The following TCOF1 variants were observed in gnomAD, a reference collection of about 807,000 sequenced individuals.
The protein encoded by TCOF1 is treacle ribosome biogenesis factor 1, also known as treacle protein.
Under a neutral mutation model 149.0 loss-of-function variants are expected in TCOF1, and 33 were observed. That is an observed-to-expected ratio of 0.22 (90% confidence interval 0.17 to 0.30). The LOEUF is 0.30. TCOF1 is among the 10% of genes least tolerant of loss of function. The pLI, the probability that TCOF1 is intolerant of heterozygous loss-of-function variation, is 1.00. For missense variants in TCOF1, 1,728 were observed against 1,840.7 expected (o/e 0.94, Z 1.12); for synonymous variants, 789 against 738.8 (o/e 1.07, Z -1.10).
Position 150,396,508 on chromosome 5 carries a change from G to A in TCOF1, c.4011G>A (p.Glu1337=), listed in dbSNP as rs1340143103. The change falls in exon 24 of 27, where the codon GAG becomes GAA. Residue 1337 remains glutamate (E), a synonymous_variant. Coordinates refer to ENST00000643257, the MANE Select transcript of TCOF1 (RefSeq NM_001371623.1). ...ERKKVVDTTK[E]SSRKGWESRK... Reference sequence around the variant, plus strand: ...AGAAGGTGGTGGACACCACCAAGGAGAGCAGCAGGAAGGGCTGGGAGAGCC... The same window carrying A: ...AGAAGGTGGTGGACACCACCAAGGAAAGCAGCAGGAAGGGCTGGGAGAGCC... 1.2e-6 allele frequency: 2 copies of A among 1,612,278 alleles called. No homozygotes were observed. The highest frequency in any genetic ancestry group is 3.4e-5 in the Admixed American group (2 of 59,660).
In TCOF1 at chr5:150,369,587, T is replaced by G. The variant is rs761441026; in HGVS notation, c.624T>G (p.Asp208Glu). Residue 208 changes from aspartate to glutamate, a missense_variant, in exon 6 of 27, where the codon GAT (aspartate) becomes GAG (glutamate). Coordinates refer to ENST00000643257, the MANE Select transcript of TCOF1 (RefSeq NM_001371623.1). ...GCGAGGACACCTCCAGCTCCAGTGATGAGACAGACGTGGAGGTAATTGCCA... is the reference window on the plus strand; with the variant it reads ...GCGAGGACACCTCCAGCTCCAGTGAGGAGACAGACGTGGAGGTAATTGCCA... ...SSSEDTSSSS[D>E]ETDVEGKPSV... 30 of 1,614,024 alleles carry G rather than the reference T, an allele frequency of 1.9e-5. No individual in the cohort carries two copies. The highest frequency in any genetic ancestry group is 2.7e-5 in the African/African-American group (2 of 74,902).
intron 2 of TCOF1, among the ~76,000 whole-genome samples, chr5:150,362,151 A>G (rs1366863196): frequency 6.6e-6 from 1 of 152,212 alleles, no homozygotes; most frequent in Non-Finnish European, 1.5e-5. Flanking sequence ...TTGTGTACCC[A>G]TGCATAGAGC....
chr5:150,370,621 G>T (rs897125532), intron 6 of TCOF1, among the ~76,000 whole-genome samples: 2 of 152,156 alleles, frequency 1.3e-5, no homozygotes, highest in Non-Finnish European at 2.9e-5. Context: ...CTCCCAAAGT[G>T]CTGGGATTAC....
intron 15 of TCOF1, 33 bp downstream of exon 15, chr5:150,379,075 AG>A (rs769587114): frequency 1.2e-6 from 2 of 1,613,808 alleles, no homozygotes; most frequent in Non-Finnish European, 1.7e-6. Flanking sequence ...GGAGGTGTGG[AG>A]GGTTGGGGTA....
intron 17 of TCOF1, chr5:150,380,070 C>CAAA (rs1224924833): frequency 2.0e-3 from 198 of 98,548 alleles, no homozygotes; most frequent in African/African-American, 7.5e-3. Context: ...GAGACTGTCT[C>CAAA]AAAAAAAAAA....
intron 6 of TCOF1, among the ~76,000 whole-genome samples, chr5:150,371,673 C>G (rs1046030952): frequency 6.6e-6 from 1 of 152,192 alleles, no homozygotes; most frequent in Non-Finnish European, 1.5e-5. Context: ...GATGCGCTCT[C>G]CTGATTGAGA....
In TCOF1 at chr5:150,374,663, C is replaced by T. The variant is rs189476787; in HGVS notation, c.1130C>T (p.Pro377Leu). 246 of 1,614,054 alleles carry T rather than the reference C, an allele frequency of 1.5e-4. No individual in the cohort carries two copies. The Middle Eastern group carries it at 6.7e-3, about 44-fold the overall frequency. The change falls in exon 9 of 27, where the codon CCT (proline) becomes CTT (leucine). Residue 377 changes from proline (P) to leucine (L), a missense_variant. Coordinates refer to ENST00000643257, the MANE Select transcript of TCOF1 (RefSeq NM_001371623.1). ...TCTCAGGTCGGAGCTGCCTCAGCCCCTGCCAAGGAGTCCCCCAGGAAAGGA... is the reference window on the plus strand; with the variant it reads ...TCTCAGGTCGGAGCTGCCTCAGCCCTTGCCAAGGAGTCCCCCAGGAAAGGA... Reference protein sequence around the residue: ...KTSQVGAASAPAKESPRKGAA... With the variant: ...KTSQVGAASALAKESPRKGAA...
At position 150,371,927 on chromosome 5, in the gene TCOF1, C is replaced by T; in HGVS notation, c.640-79C>T. ...TGACATTAGGAAAGAGCTTTATCAA[C>T]TGCTGAAGCCCCTAATACAGAACCT... is the stretch of plus-strand genomic sequence containing the variant. On this transcript the variant is annotated intron_variant, in intron 6 of 26. Coordinates refer to ENST00000643257, the MANE Select transcript of TCOF1 (RefSeq NM_001371623.1). 3 of 1,286,524 alleles carry T rather than the reference C, an allele frequency of 2.3e-6. No individual in the cohort carries two copies. The South Asian group carries it at 3.8e-5, about 16-fold the overall frequency. The allele number at this position is 1,286,524 out of a possible 1,614,324, so 79.7% of individuals were successfully genotyped here.
At chr5:150,359,707 C>T (rs1759582073) in intron 1 of TCOF1, among the ~76,000 whole-genome samples, 1 of 152,182 alleles carries the variant, frequency 6.6e-6, no homozygotes, top group African/African-American at 2.4e-5. Context: ...AGATAGTACC[C>T]ATCTTCATTG....
At chr5:150,395,954 C>G (rs1329290870) in intron 23 of TCOF1, among the ~76,000 whole-genome samples, 1 of 152,154 alleles carries the variant, frequency 6.6e-6, no homozygotes, top group East Asian at 1.9e-4. Flanking sequence ...CATCTCCCTC[C>G]TTTCTGAATT....
At chr5:150,365,373 C>T (rs1048103149) in intron 3 of TCOF1, among the ~76,000 whole-genome samples, 1 of 151,664 alleles carries the variant, frequency 6.6e-6, no homozygotes, top group Admixed American at 6.6e-5. Context: ...AGCCACTGCG[C>T]CCTGGATATA....
intron 3 of TCOF1, among the ~76,000 whole-genome samples, chr5:150,365,345 G>T (rs1761105283): frequency 6.6e-6 from 1 of 151,142 alleles, no homozygotes; most frequent in African/African-American, 2.4e-5. Context: ...CTCCAAAAGG[G>T]CTGGGATTAC....
intron 2 of TCOF1, among the ~76,000 whole-genome samples, chr5:150,363,248 G>A (rs1760577276): frequency 6.6e-6 from 1 of 152,186 alleles, no homozygotes; most frequent in Non-Finnish European, 1.5e-5. Context: ...ATTGATACAT[G>A]TAAAAATGAA....
In TCOF1 at chr5:150,383,171, A is replaced by G. The variant is rs537855992; in HGVS notation, c.2859+3439A>G. 3.3e-6 allele frequency: 5 copies of G among 1,535,242 alleles called. No homozygotes were observed. In the East Asian group the frequency reaches 1.2e-4, roughly 38 times the overall value. ...AGTGAGGAAGAGCTGCCACTGACCC[A>G]GGTGCGCCATGCCTTCTCTCTGCAG... On this transcript the variant is annotated intron_variant, in intron 17 of 26. Transcript: ENST00000643257.
At position 150,376,186 on chromosome 5, in the gene TCOF1, C is replaced by A. The variant is rs754321201; in HGVS notation, c.1998C>A (p.Pro666=). The A allele has an allele frequency of 1.9e-6, 3 of 1,614,176 alleles. No individual in the cohort carries two copies. In the South Asian group the frequency reaches 3.3e-5, roughly 18 times the overall value. ...CTGTGCGAGTGGGCACCCAAGCCCC[C>A]CGGAAAGCAGGAACTGCGACTTCTC... ...VAPVRVGTQA[P]RKAGTATSPA... Residue 666 remains proline (P), a synonymous_variant, in exon 13 of 27, where the codon CCC becomes CCA. Transcript: ENST00000643257.
chr5:150,362,557 A>G (rs1001974895), intron 2 of TCOF1, among the ~76,000 whole-genome samples: 11 of 152,224 alleles, frequency 7.2e-5, no homozygotes, highest in Non-Finnish European at 1.5e-4. Context: ...GCTTCTGAAT[A>G]TAATGACATC....
Position 150,393,525 on chromosome 5 carries a change from G to A in TCOF1, c.3757G>A (p.Ala1253Thr). Residue 1253 changes from alanine to threonine, a missense_variant, in exon 23 of 27, where the codon GCA (alanine) becomes ACA (threonine). Physicochemically the swap from Ala to Thr is moderately conservative, Grantham distance 58. Coordinates refer to ENST00000643257, the MANE Select transcript of TCOF1 (RefSeq NM_001371623.1). ...DGKQEAKPQQ[A>T]AGMLSPKTGG... Reference sequence around the variant, plus strand: ...CAAGCAGGAGGCAAAGCCCCAACAGGCAGCAGGCATGTTGTCCCCTAAAAC... The same window carrying A: ...CAAGCAGGAGGCAAAGCCCCAACAGACAGCAGGCATGTTGTCCCCTAAAAC... The A allele has an allele frequency of 6.2e-7, 1 of 1,614,150 alleles. No individual in the cohort carries two copies. Among genetic ancestry groups the A allele is most frequent in the Non-Finnish European group, 8.5e-7 (1 of 1,180,028 alleles).
At chr5:150,375,966 A>C (rs1372757342) in intron 12 of TCOF1, 57 bp downstream of exon 12, 3 of 1,613,362 alleles carry the variant, frequency 1.9e-6, no homozygotes, top group Non-Finnish European at 2.5e-6. Flanking sequence ...CACAGTCAGC[A>C]CCCCCGGGGA....
intron 5 of TCOF1, 88 bp downstream of exon 5, chr5:150,368,990 T>G: frequency 6.5e-7 from 1 of 1,543,992 alleles, no homozygotes. Context: ...CTGGGACATT[T>G]CTGGAATCAA....
Sources: gnomAD v4.1 joint callset for allele counts (sites outside exome capture counted in the v4.1 genomes callset) on GRCh38, gnomAD v4.1.1 for gene constraint, MANE v1.5 for transcripts, NCBI Gene and HGNC (gene_info 2026-07-23, HGNC 2026-07-21) for gene names.